The following PCDH15 variants were observed in gnomAD, a reference collection of about 807,000 sequenced individuals.
The protein encoded by PCDH15 is protocadherin related 15, also known as protocadherin-15.
In PCDH15, 129 loss-of-function variants were observed where a neutral mutation model predicts 178.5. That is an observed-to-expected ratio of 0.72 (90% CI 0.63 to 0.84). PCDH15 has a LOEUF of 0.84. PCDH15 is among the 40% of genes least tolerant of loss of function. The pLI is 0.00. For synonymous variants in PCDH15, 800 were observed against 732.0 expected, an observed-to-expected ratio of 1.09 and a Z score of -1.50; for missense variants, 2,230 against 2,099.9, an observed-to-expected ratio of 1.06 and a Z score of -1.21.
chr10:54,139,742 G>C (rs566835665), intron 14 of PCDH15, among the ~76,000 whole-genome samples: 2 of 152,240 alleles, frequency 1.3e-5, no homozygotes, highest in Non-Finnish European at 2.9e-5. Context: ...TTATGGGCTT[G>C]AAATGGTTAG....
intron 6 of PCDH15, among the ~76,000 whole-genome samples, chr10:54,341,976 CATAGGCAT>C (rs1316931986): frequency 6.6e-6 from 1 of 152,132 alleles, no homozygotes; most frequent in Non-Finnish European, 1.5e-5. Flanking sequence ...AGCATACAGT[CATAGGCAT>C]ATATGAAGAC....
chr10:54,525,345 T>G (rs187941878), intron 3 of PCDH15, among the ~76,000 whole-genome samples: 343 of 152,356 alleles, frequency 2.3e-3, no homozygotes, highest in Non-Finnish European at 3.4e-3. Context: ...AAATGAGTGC[T>G]CATCATTCTG....
intron 8 of PCDH15, among the ~76,000 whole-genome samples, chr10:54,302,937 T>C (rs983530322): frequency 6.6e-6 from 1 of 152,170 alleles, no homozygotes; most frequent in Admixed American, 6.6e-5. Flanking sequence ...CATAAATATA[T>C]ACACCCACAC....
chr10:54,762,454 A>G (rs1948006777), intron 1 of PCDH15, among the ~76,000 whole-genome samples: 1 of 152,146 alleles, frequency 6.6e-6, no homozygotes, highest in Admixed American at 6.6e-5. Context: ...TGAACATAAG[A>G]GTTGATATTT....
chr10:55,222,027 C>T (rs984307447), intron 1 of PCDH15, among the ~76,000 whole-genome samples: 31 of 150,328 alleles, frequency 2.1e-4, no homozygotes, highest in Middle Eastern at 3.4e-3. Context: ...CCACCACACC[C>T]GGCTAATTTT....
chr10:54,149,515 C>G (rs1182030313), intron 14 of PCDH15, among the ~76,000 whole-genome samples: 2 of 152,106 alleles, frequency 1.3e-5, no homozygotes, highest in Non-Finnish European at 2.9e-5. Context: ...AGAGAGGAGA[C>G]TGGTGCCACA....
In PCDH15 at chr10:55,027,476, T is replaced by G. The variant is rs57217851; in HGVS notation, c.-79-129976A>C. Among the ~76,000 whole-genome samples the G allele has an allele frequency of 5.7e-4, 87 of 151,972 alleles. 2 individuals carry two copies. In the East Asian group the frequency reaches 0.015, roughly 26 times the overall value. On this transcript the variant is annotated intron_variant, in intron 2 of 5. Coordinates refer to the PCDH15 transcript ENST00000458638. The stretch of plus-strand genomic sequence containing the variant: ...GAATGATTTCCCCAACCTTGACAGC[T>G]AGAAATTTCTGTCCTATGAAAAGTA...
chr10:54,639,138 T>C (rs1158720023), intron 2 of PCDH15, among the ~76,000 whole-genome samples: 1 of 152,192 alleles, frequency 6.6e-6, no homozygotes, highest in East Asian at 1.9e-4. Flanking sequence ...TTAATAGCTG[T>C]GCTTGATGTT....
intron 2 of PCDH15, among the ~76,000 whole-genome samples, chr10:55,490,141 G>A (rs751175870): frequency 6.6e-5 from 10 of 151,680 alleles, no homozygotes; most frequent in Non-Finnish European, 1.5e-4. Context: ...AACAGAAAGT[G>A]TTCTATATAA....
chr10:54,468,051 T>G (rs1470624956), intron 3 of PCDH15, among the ~76,000 whole-genome samples: 1 of 151,998 alleles, frequency 6.6e-6, no homozygotes, highest in Non-Finnish European at 1.5e-5. Flanking sequence ...CTCTTTCTTT[T>G]TATCTTCATT....
chr10:54,902,795 A>G (rs1426671856), intron 2 of PCDH15, among the ~76,000 whole-genome samples: 1 of 152,114 alleles, frequency 6.6e-6, no homozygotes, highest in Non-Finnish European at 1.5e-5. Context: ...CCTTGGTTGC[A>G]TCTTCTCATT....
At chr10:55,437,980 G>A (rs1233512022) in intron 2 of PCDH15, among the ~76,000 whole-genome samples, 1 of 151,618 alleles carries the variant, frequency 6.6e-6, no homozygotes, top group Non-Finnish European at 1.5e-5. Context: ...TAGATTACAG[G>A]CATGTGCCAC....
At chr10:55,051,271 T>C (rs114949318) in intron 2 of PCDH15, among the ~76,000 whole-genome samples, 3,907 of 152,192 alleles carry the variant, frequency 0.026, 91 homozygotes, top group East Asian at 0.075. Context: ...TAATATCAAG[T>C]GGAAATGTTA....
At chr10:54,992,457 A>G (rs1340438046) in intron 2 of PCDH15, among the ~76,000 whole-genome samples, 1 of 152,098 alleles carries the variant, frequency 6.6e-6, no homozygotes, top group Admixed American at 6.6e-5. Context: ...AATCCAGTGA[A>G]AAAGGGTGAA....
At chr10:55,139,586 A>C (rs1052011798) in intron 2 of PCDH15, among the ~76,000 whole-genome samples, 7 of 151,956 alleles carry the variant, frequency 4.6e-5, no homozygotes, top group African/African-American at 1.4e-4. Context: ...ATTGTGTCAA[A>C]AGTTAGTTGG....
At chr10:55,458,920 C>G (rs1839610565) in intron 2 of PCDH15, among the ~76,000 whole-genome samples, 1 of 151,910 alleles carries the variant, frequency 6.6e-6, no homozygotes, top group Non-Finnish European at 1.5e-5. Flanking sequence ...AAGTTTATAA[C>G]TATAAGAACA....
At chr10:55,496,631 T>C (rs1377537604) in intron 2 of PCDH15, among the ~76,000 whole-genome samples, 1 of 151,808 alleles carries the variant, frequency 6.6e-6, no homozygotes, top group Non-Finnish European at 1.5e-5. Flanking sequence ...ATTAGAGATA[T>C]TAGTTTGAAT....
At chr10:54,337,976 A>C (rs1941518743) in intron 6 of PCDH15, among the ~76,000 whole-genome samples, 1 of 152,200 alleles carries the variant, frequency 6.6e-6, no homozygotes, top group Non-Finnish European at 1.5e-5. Context: ...TCTTTCGTCC[A>C]AATTCCTTTC....
chr10:55,070,214 T>C (rs1222064787), intron 2 of PCDH15, among the ~76,000 whole-genome samples: 3 of 152,116 alleles, frequency 2.0e-5, no homozygotes, highest in Admixed American at 6.6e-5. Flanking sequence ...AAAATTTTCT[T>C]CCATTCTGTA....
Sources: gnomAD v4.1 joint callset for allele counts (sites outside exome capture counted in the v4.1 genomes callset) on GRCh38, gnomAD v4.1.1 for gene constraint, MANE v1.5 for transcripts, NCBI Gene and HGNC (gene_info 2026-07-23, HGNC 2026-07-21) for gene names.